Variants in KIF26B observed in about 807,000 individuals in gnomAD.
KIF26B encodes kinesin-like protein KIF26B.
In KIF26B, 63 loss-of-function variants were observed where a neutral mutation model predicts 151.2. The observed-to-expected ratio is 0.42, with a 90% CI of 0.34 to 0.51. The LOEUF (loss-of-function observed/expected upper bound fraction) is 0.51. Ranked by LOEUF, KIF26B falls within the 20% of genes least tolerant of loss-of-function variation. KIF26B has a pLI of 0.07. For synonymous variants in KIF26B, 1,357 were observed against 1,262.1 expected (o/e 1.08, Z -1.59); for missense variants, 2,813 against 2,913.6 (o/e 0.97, Z 0.79).
At chr1:245,176,625 A>G (rs1407841176) in intron 2 of KIF26B, among the ~76,000 whole-genome samples, 1 of 152,184 alleles carries the variant, frequency 6.6e-6, no homozygotes, top group African/African-American at 2.4e-5. Flanking sequence ...AACCTAGTTC[A>G]GCACTTTCAT....
intron 2 of KIF26B, among the ~76,000 whole-genome samples, chr1:245,349,159 A>C (rs967981152): frequency 1.3e-5 from 2 of 152,232 alleles, no homozygotes; most frequent in African/African-American, 4.8e-5. Flanking sequence ...TGTTGAATGA[A>C]TCAATGAAGT....
chr1:245,190,634 G>GTTTTTTTTTTTTTTTTTT (rs149338802), intron 2 of KIF26B, among the ~76,000 whole-genome samples: 1 of 106,856 alleles, frequency 9.4e-6, no homozygotes. Context: ...TGAATGTTTT[G>GTTTTTTTTTTTTTTTTTT]TTTTGTTTTT....
At chr1:245,498,198 G>A (rs1170260163) in intron 4 of KIF26B, among the ~76,000 whole-genome samples, 1 of 152,156 alleles carries the variant, frequency 6.6e-6, no homozygotes, top group Non-Finnish European at 1.5e-5. Context: ...ATGAGAGCCT[G>A]GGCTGTCACA....
At chr1:245,175,930 T>A (rs144572739) in intron 2 of KIF26B, among the ~76,000 whole-genome samples, 7,394 of 121,886 alleles carry the variant, frequency 0.061, 346 homozygotes, top group East Asian at 0.26. Flanking sequence ...ATCTATATAT[T>A]TAGATGTCTA....
In KIF26B at chr1:245,369,168, T is replaced by TGAGAGAGAGGGAGAGAGAGAGAGAGAGA. The variant is rs1396163965; in HGVS notation, c.999+1810_999+1811insGGAGAGAGAGAGAGAGAGAGAGAGAGAG. On this transcript the variant is annotated intron_variant, in intron 3 of 14. Transcript: ENST00000407071. Reference sequence around the variant, plus strand: ...ACTCTGAATTGGGAAAAAAGAAGAGTGAGAGAGAGAGAGAGAGAGAGAGAG... The same window carrying TGAGAGAGAGGGAGAGAGAGAGAGAGAGA: ...ACTCTGAATTGGGAAAAAAGAAGAGTGAGAGAGAGGGAGAGAGAGAGAGAGAGAGAGAGAGAGAGAGAGAGAGAGAGAG... 9.3e-4 allele frequency among the ~76,000 whole-genome samples: 126 copies of TGAGAGAGAGGGAGAGAGAGAGAGAGAGA among 135,848 alleles called. 1 individual carries two copies. Among genetic ancestry groups the TGAGAGAGAGGGAGAGAGAGAGAGAGAGA allele is most frequent in the African/African-American group, 3.1e-3 (121 of 38,748 alleles). The allele number at this position is 135,848 out of a possible 152,430, so 89.1% of individuals were successfully genotyped here.
chr1:245,353,224 G>A (rs79316422), intron 2 of KIF26B, among the ~76,000 whole-genome samples: 1 of 152,226 alleles, frequency 6.6e-6, no homozygotes, highest in Non-Finnish European at 1.5e-5. Context: ...CAGGGAGAGG[G>A]GTCCTGGTTT....
chr1:245,454,367 G>T (rs1659465821), intron 4 of KIF26B, among the ~76,000 whole-genome samples: 1 of 152,322 alleles, frequency 6.6e-6, no homozygotes, highest in African/African-American at 2.4e-5. Context: ...ATGCAAAGAA[G>T]GATGGAAATA....
At chr1:245,220,266 G>C (rs543413463) in intron 2 of KIF26B, among the ~76,000 whole-genome samples, 1 of 152,340 alleles carries the variant, frequency 6.6e-6, no homozygotes, top group Non-Finnish European at 1.5e-5. Context: ...AAGTCATCCT[G>C]ACTGGGGTCT....
intron 2 of KIF26B, among the ~76,000 whole-genome samples, chr1:245,236,361 G>A (rs1394403324): frequency 1.3e-5 from 2 of 152,106 alleles, no homozygotes; most frequent in Non-Finnish European, 2.9e-5. Flanking sequence ...CAGCCTCAAC[G>A]TCTTCAACTC....
chr1:245,262,510 A>G (rs1022026796), intron 2 of KIF26B, among the ~76,000 whole-genome samples: 20 of 151,752 alleles, frequency 1.3e-4, no homozygotes, highest in Middle Eastern at 3.2e-3. Flanking sequence ...CTGGAGTGCA[A>G]TGGCGCGATC....
chr1:245,300,169 A>G (rs950215602), intron 2 of KIF26B, among the ~76,000 whole-genome samples: 2 of 152,250 alleles, frequency 1.3e-5, no homozygotes, highest in South Asian at 2.1e-4. Context: ...AACAGCAACT[A>G]TTTGTTGAGT....
At chr1:245,513,561 G>A (rs1002789125) in intron 4 of KIF26B, among the ~76,000 whole-genome samples, 3 of 152,048 alleles carry the variant, frequency 2.0e-5, no homozygotes, top group African/African-American at 7.2e-5. Context: ...CTTTCATTTC[G>A]GCCCGATGTT....
intron 2 of KIF26B, among the ~76,000 whole-genome samples, chr1:245,310,509 G>A (rs1387439133): frequency 2.0e-5 from 3 of 152,184 alleles, no homozygotes; most frequent in African/African-American, 7.2e-5. Context: ...TAGGAAACTC[G>A]TTCAAGGTCA....
intron 10 of KIF26B, among the ~76,000 whole-genome samples, chr1:245,679,690 A>T (rs534526424): frequency 1.9e-3 from 293 of 151,948 alleles, no homozygotes; most frequent in African/African-American, 6.6e-3. Context: ...GCTGGTCTCA[A>T]ACTCCCGATC....
At chr1:245,587,241 C>T (rs1322129555) in intron 5 of KIF26B, among the ~76,000 whole-genome samples, 2 of 152,130 alleles carry the variant, frequency 1.3e-5, no homozygotes, top group Admixed American at 6.5e-5. Flanking sequence ...GTGGAAATGC[C>T]CCCTCATTTG....
intron 10 of KIF26B, among the ~76,000 whole-genome samples, chr1:245,663,526 C>T (rs1472880411): frequency 6.6e-6 from 1 of 151,710 alleles, no homozygotes; most frequent in African/African-American, 2.4e-5. Context: ...CTCATGGTGC[C>T]GTGTTTCTTT....
chr1:245,454,231 A>C (rs553857786), intron 4 of KIF26B, among the ~76,000 whole-genome samples: 36 of 152,330 alleles, frequency 2.4e-4, no homozygotes, highest in African/African-American at 7.2e-4. Flanking sequence ...CATTCTTGCC[A>C]TAACCTTATA....
At chr1:245,656,593 T>C (rs2044077413) in intron 10 of KIF26B, among the ~76,000 whole-genome samples, 1 of 152,212 alleles carries the variant, frequency 6.6e-6, no homozygotes, top group Admixed American at 6.5e-5. Flanking sequence ...CAAGACGCCC[T>C]TGGGCACCCA....
intron 4 of KIF26B, among the ~76,000 whole-genome samples, chr1:245,486,849 T>G (rs536327003): frequency 8.5e-5 from 13 of 152,312 alleles, no homozygotes; most frequent in Admixed American, 4.6e-4. Flanking sequence ...GTTTCCACTT[T>G]TTGCAGAGAC....
Sources: gnomAD v4.1 joint callset for allele counts (sites outside exome capture counted in the v4.1 genomes callset) on GRCh38, gnomAD v4.1.1 for gene constraint, MANE v1.5 for transcripts, NCBI Gene and HGNC (gene_info 2026-07-23, HGNC 2026-07-21) for gene names.